The following SLC39A1 variants were observed in gnomAD, a reference collection of about 807,000 sequenced individuals.
The protein encoded by SLC39A1 is solute carrier family 39 member 1, also known as zinc transporter ZIP1.
SLC39A1 carries 17 observed loss-of-function variants against 21.4 expected under a neutral mutation model. The observed-to-expected ratio is 0.79, with a 90% CI of 0.54 to 1.19. SLC39A1 has a LOEUF of 1.19. Among genes scored for constraint, SLC39A1 ranks in the 50% most tolerant of loss-of-function variants. The pLI is 0.00. For synonymous variants in SLC39A1, 183 were observed against 185.9 expected, an observed-to-expected ratio of 0.98 and a Z score of 0.13; for missense variants, 343 against 399.8, an observed-to-expected ratio of 0.86 and a Z score of 1.21.
At chr1:153,965,341 C>T (rs1048916022), upstream of SLC39A1, among the ~76,000 whole-genome samples, 2 of 152,008 alleles carry the variant, frequency 1.3e-5, no homozygotes, top group African/African-American at 2.4e-5. Flanking sequence ...GCAGGAGAAT[C>T]GCTTGAACCG....
At chr1:153,965,510 A>C (rs1167744045), upstream of SLC39A1, among the ~76,000 whole-genome samples, 1 of 152,170 alleles carries the variant, frequency 6.6e-6, no homozygotes, top group Non-Finnish European at 1.5e-5. Context: ...TACTTCACAT[A>C]TTTATTTGTG....
chr1:153,965,508 ATATT>A (rs1201849371), upstream of SLC39A1, among the ~76,000 whole-genome samples: 6 of 152,324 alleles, frequency 3.9e-5, no homozygotes, highest in South Asian at 2.1e-4. Context: ...ATTACTTCAC[ATATT>A]TATTTGTGAT....
At position 153,959,861 on chromosome 1, in the gene SLC39A1, A is replaced by G. The variant is rs191678589; in HGVS notation, c.*237T>C. 1.9e-6 allele frequency: 1 copy of G among 527,570 alleles called. No homozygotes were observed. The highest frequency in any genetic ancestry group is 1.9e-5 in the African/African-American group (1 of 52,976). The allele number at this position is 527,570 out of a possible 1,614,324, so 32.7% of individuals were successfully genotyped here. On this transcript the variant is annotated 3_prime_UTR_variant, in exon 4 of 4. Coordinates refer to ENST00000356205, the MANE Select transcript of SLC39A1 (RefSeq NM_001271958.2). ...TCTTCCCCAATCCTAATGTCCCCTG[A>G]TATGTCTCTAGCGACTTGACCATCT...
intron 2 of SLC39A1, 31 bp from the exon 3 acceptor site, chr1:153,962,381 A>G (rs1303695118): frequency 6.2e-7 from 1 of 1,609,610 alleles, no homozygotes; most frequent in East Asian, 2.2e-5. Flanking sequence ...GAGGGGAATA[A>G]GCAAACAAAC....
At chr1:153,962,460 TC>T in intron 2 of SLC39A1, 68 bp downstream of exon 2, 2 of 1,577,022 alleles carry the variant, frequency 1.3e-6, no homozygotes, top group Non-Finnish European at 1.7e-6. Context: ...CTTTGGTCAC[TC>T]CCCGCCAGCC....
At chr1:153,965,865 G>A (rs1430651117), upstream of SLC39A1, among the ~76,000 whole-genome samples, 2 of 152,058 alleles carry the variant, frequency 1.3e-5, no homozygotes, top group African/African-American at 4.8e-5. Flanking sequence ...GGGACTGCAG[G>A]TGTGAGCCAC....
chr1:153,962,992 A>T, intron 1 of SLC39A1: 1 of 361,212 alleles, frequency 2.8e-6, no homozygotes, highest in East Asian at 4.2e-5. Context: ...CTGTATGGAT[A>T]TCTCATCACC....
upstream of SLC39A1, chr1:153,963,815 G>A (rs1055008396): frequency 6.6e-6 from 1 of 152,304 alleles, no homozygotes; most frequent in Admixed American, 6.5e-5. Flanking sequence ...AGTCAACAAA[G>A]GCTTTGATTA....
upstream of SLC39A1, among the ~76,000 whole-genome samples, chr1:153,963,922 C>T (rs1647647722): frequency 6.6e-6 from 1 of 152,260 alleles, no homozygotes; most frequent in Non-Finnish European, 1.5e-5. Flanking sequence ...TCTCATCTGT[C>T]CCTCAGAAGG....
At position 153,960,502 on chromosome 1, in the gene SLC39A1, A is replaced by G; in HGVS notation, c.571T>C (p.Ser191Pro). 1 of 1,613,314 alleles carries G rather than the reference A, an allele frequency of 6.2e-7. No individual in the cohort carries two copies. The highest frequency in any genetic ancestry group is 8.5e-7 in the Non-Finnish European group (1 of 1,179,662). Residue 191 changes from serine to proline, a missense_variant, in exon 4 of 4, where the codon TCC (serine) becomes CCC (proline). By Grantham distance (74) the Ser-to-Pro change is moderately conservative (BLOSUM62 -1). Transcript: ENST00000356205. ...CCTACCGCCAGCCCCTCGAACACGG[A>G]GTGGAGGGCCAGGGAGAACACCAGT... ...CVLVFSLALH[S>P]VFEGLAVGLQ... is the part of the protein sequence containing the mutation.
At chr1:153,962,044 G>C (rs1007810590) in intron 3 of SLC39A1, among the ~76,000 whole-genome samples, 176 bp downstream of exon 3, 1 of 152,128 alleles carries the variant, frequency 6.6e-6, no homozygotes, top group African/African-American at 2.4e-5. Context: ...AATGGGGAAG[G>C]GGGAGGGAAC....
intron 3 of SLC39A1, among the ~76,000 whole-genome samples, chr1:153,961,660 A>G (rs929499410): frequency 1.3e-5 from 2 of 152,220 alleles, no homozygotes; most frequent in African/African-American, 4.8e-5. Context: ...AAAGGGATAC[A>G]TCCAGTGTTA....
At chr1:153,961,835 C>A (rs1164394636) in intron 3 of SLC39A1, among the ~76,000 whole-genome samples, 1 of 152,174 alleles carries the variant, frequency 6.6e-6, no homozygotes. Context: ...GTTAGCAACA[C>A]CAAGACCCAG....
At chr1:153,967,270 T>TCGCGCTCCTGCCGC (rs769703449), upstream of SLC39A1, 9 of 152,234 alleles carry the variant, frequency 5.9e-5, no homozygotes, top group Non-Finnish European at 1.3e-4. Context: ...AAACCCGCCA[T>TCGCGCTCCTGCCGC]CGCGCTCCTG....
At chr1:153,967,330 A>G (rs370932487), upstream of SLC39A1, 4 of 151,984 alleles carry the variant, frequency 2.6e-5, no homozygotes, top group East Asian at 7.7e-4. Flanking sequence ...CGGGCTGTTG[A>G]CTCCCCGCCT....
chr1:153,960,274 G>A lies in SLC39A1; in HGVS notation c.799C>T (p.Leu267=), dbSNP rs1432030737. 1 of 1,614,104 alleles carries A rather than the reference G, an allele frequency of 6.2e-7. No homozygotes were observed. Among genetic ancestry groups the A allele is most frequent in the Admixed American group, 1.7e-5 (1 of 60,034 alleles). The change falls in exon 4 of 4, where the codon CTG becomes TTG. Residue 267 remains leucine, a synonymous_variant. Transcript: ENST00000356205. ...GAALAESAGP[L]HQLAQSVLEG... ...AGCACAGACTGGGCCAGCTGGTGCA[G>A]AGGTCCTGCCGACTCTGCCAGAGCT...
chr1:153,961,400 C>A lies in SLC39A1; in HGVS notation c.319-646G>T, dbSNP rs899756684. The stretch of plus-strand genomic sequence containing the variant: ...ATTTCTGATCTCTACTTACCAGATG[C>A]CAATAGCAGGCACAATGTTCCCTCC... On this transcript the variant is annotated intron_variant, in intron 3 of 3. Transcript: ENST00000356205. 3.3e-5 allele frequency among the ~76,000 whole-genome samples: 5 copies of A among 152,190 alleles called. No homozygotes were observed. The East Asian group carries it at 7.7e-4, about 23-fold the overall frequency.
At position 153,959,520 on chromosome 1, in the gene SLC39A1, G is replaced by T; in HGVS notation, c.*578C>A. 1 of 377,698 alleles carries T rather than the reference G, an allele frequency of 2.6e-6. No individual in the cohort carries two copies. Among genetic ancestry groups the T allele is most frequent in the Non-Finnish European group, 4.7e-6 (1 of 213,118 alleles). The allele number at this position is 377,698 out of a possible 1,614,324, so 23.4% of individuals were successfully genotyped here. ...GAGAAAGAGGAAGGGGATTTGTTTGGCACTTTAAAAATAGAGGAGTAAGCA... is the reference window on the plus strand; with the variant it reads ...GAGAAAGAGGAAGGGGATTTGTTTGTCACTTTAAAAATAGAGGAGTAAGCA... On this transcript the variant is annotated 3_prime_UTR_variant, in exon 4 of 4. Transcript: ENST00000356205.
Position 153,962,759 on chromosome 1 carries a change from G to C in SLC39A1, c.-32-12C>G. On this transcript the variant is annotated splice_polypyrimidine_tract_variant and intron_variant, in intron 1 of 3. Coordinates refer to ENST00000356205, the MANE Select transcript of SLC39A1 (RefSeq NM_001271958.2). ...AGTGACTCTCAGACCTAGGAAGACAGACCAGAGTGGTTGGGAAAAATCATG... is the reference window on the plus strand; with the variant it reads ...AGTGACTCTCAGACCTAGGAAGACACACCAGAGTGGTTGGGAAAAATCATG... The C allele has an allele frequency of 1.4e-6, 2 of 1,471,902 alleles. No individual in the cohort carries two copies. Among genetic ancestry groups the C allele is most frequent in the Non-Finnish European group, 1.8e-6 (2 of 1,111,304 alleles). 91.2% of individuals were successfully genotyped at this position (1,471,902 alleles called of 1,614,324 possible).
Sources: gnomAD v4.1 joint callset for allele counts (sites outside exome capture counted in the v4.1 genomes callset) on GRCh38, gnomAD v4.1.1 for gene constraint, MANE v1.5 for transcripts, NCBI Gene and HGNC (gene_info 2026-07-23, HGNC 2026-07-21) for gene names.